Variants in ABCC11 observed in about 807,000 individuals in gnomAD.
The protein encoded by ABCC11 is ATP binding cassette subfamily C member 11.
A neutral mutation model predicts 149.3 loss-of-function variants in ABCC11; 135 were observed. The ratio of observed to expected loss-of-function variants is 0.90; its 90% CI spans 0.79 to 1.04. The LOEUF (loss-of-function observed/expected upper bound fraction) is 1.04, where lower values mean the gene tolerates loss of function less well. Ranked by LOEUF, ABCC11 falls within the 50% of genes least tolerant of loss-of-function variation. The pLI, the probability that ABCC11 is intolerant of heterozygous loss-of-function variation, is 0.00. For missense variants in ABCC11, 1,680 were observed against 1,722.1 expected, an observed-to-expected ratio of 0.98 and a Z score of 0.43; for synonymous variants, 665 against 671.4, an observed-to-expected ratio of 0.99 and a Z score of 0.15.
In ABCC11 at chr16:48,215,350, G is replaced by A. The variant is rs752331571; in HGVS notation, c.952-6C>T. 5.6e-6 allele frequency: 9 copies of A among 1,612,284 alleles called. No individual in the cohort carries two copies. The Admixed American group carries it at 1.3e-4, about 24-fold the overall frequency. On this transcript the variant is annotated splice_polypyrimidine_tract_variant and splice_region_variant and intron_variant, in intron 7 of 29. Transcript: ENST00000356608. ...GCCATTCTTGTCATGAATACCTGGAGTCAGGATACAGCAAGTTTGGAGTTG... is the reference window on the plus strand; with the variant it reads ...GCCATTCTTGTCATGAATACCTGGAATCAGGATACAGCAAGTTTGGAGTTG...
chr16:48,231,705 GA>G (rs1282392264), intron 2 of ABCC11, 117 bp downstream of exon 2: 11 of 1,256,052 alleles, frequency 8.8e-6, no homozygotes, highest in African/African-American at 6.2e-5. Flanking sequence ...AAAGAGAAAA[GA>G]AAAAAAATTC....
At chr16:48,196,399 T>A (rs1967419172) in intron 17 of ABCC11, 78 bp from the exon 18 acceptor site, 1 of 1,392,444 alleles carries the variant, frequency 7.2e-7, no homozygotes, top group Non-Finnish European at 1.0e-6. Context: ...CTGGCTTCGA[T>A]CCTGTGCCAG....
chr16:48,180,196 C>T (rs1567484557), intron 23 of ABCC11, among the ~76,000 whole-genome samples: 1 of 152,214 alleles, frequency 6.6e-6, no homozygotes, highest in Non-Finnish European at 1.5e-5. Flanking sequence ...CTCATGATGC[C>T]ATTCTGGCCG....
Position 48,208,446 on chromosome 16 carries a change from C to G in ABCC11, c.1659G>C (p.Leu553=), listed in dbSNP as rs1396002884. ...TTACCTCCTCCAGGATGGCTGACAA[C>G]AGGCTGCTCTTACCACTCCCCGTGT... The part of the protein sequence containing the change: ...CGNTGSGKSS[L]LSAILEEMHL... The change falls in exon 12 of 30, where the codon CTG becomes CTC. Residue 553 remains leucine, a synonymous_variant. Coordinates refer to ENST00000356608, the MANE Select transcript of ABCC11 (RefSeq NM_001370497.1). The G allele has an allele frequency of 6.2e-7, 1 of 1,614,082 alleles. No individual in the cohort carries two copies. Among genetic ancestry groups the G allele is most frequent in the Admixed American group, 1.7e-5 (1 of 60,008 alleles).
chr16:48,214,842 A>G lies in ABCC11; in HGVS notation c.1248+39T>C, dbSNP rs371447194. On this transcript the variant is annotated intron_variant, in intron 9 of 29. Coordinates refer to ENST00000356608, the MANE Select transcript of ABCC11 (RefSeq NM_001370497.1). ...AAAAGGACACGTGAGAAAATTCCCA[A>G]TCATGATGGGGAGAAAACAAAGCCC... 8 of 1,611,268 alleles carry G rather than the reference A, an allele frequency of 5.0e-6. No homozygotes were observed. The African/African-American group carries it at 6.7e-5, about 13-fold the overall frequency.
rs781226331 is a variant in ABCC11 at position 48,184,482 on chromosome 16, G to A, written c.3216C>T (p.Thr1072=). Residue 1072 remains threonine (T), a synonymous_variant, in exon 23 of 30, where the codon ACC becomes ACT. Coordinates refer to ENST00000356608, the MANE Select transcript of ABCC11 (RefSeq NM_001370497.1). The stretch of plus-strand genomic sequence containing the variant: ...CAGCCATGACTTTAAAGGAGTAGGG[G>A]GTGGAGGAAATGCCAAAAGCCACGA... The part of the protein sequence containing the change: ...ALFVAFGISS[T]PYSFKVMAVN... The A allele has an allele frequency of 1.2e-6, 2 of 1,614,182 alleles. No homozygotes were observed. The highest frequency in any genetic ancestry group is 1.7e-6 in the Non-Finnish European group (2 of 1,180,024).
At chr16:48,207,283 A>G (rs1968528538) in intron 12 of ABCC11, among the ~76,000 whole-genome samples, 1 of 152,182 alleles carries the variant, frequency 6.6e-6, no homozygotes, top group South Asian at 2.1e-4. Context: ...AAAAATGCAT[A>G]GCAGGCGTCA....
At chr16:48,245,335 C>G (rs1188554694) in intron 1 of ABCC11, among the ~76,000 whole-genome samples, 4 of 152,158 alleles carry the variant, frequency 2.6e-5, no homozygotes, top group Non-Finnish European at 5.9e-5. Flanking sequence ...GTACCCTCGC[C>G]CTATTGGTGT....
chr16:48,229,098 TG>T (rs1970266455), intron 3 of ABCC11, among the ~76,000 whole-genome samples: 2 of 152,188 alleles, frequency 1.3e-5, no homozygotes, highest in Non-Finnish European at 2.9e-5. Context: ...TCAACAAGGC[TG>T]GCCACATGCC....
chr16:48,197,801 A>G (rs1398235303), intron 17 of ABCC11, among the ~76,000 whole-genome samples, 170 bp downstream of exon 17: 2 of 152,022 alleles, frequency 1.3e-5, no homozygotes, highest in African/African-American at 2.4e-5. Context: ...CCATCAGTCT[A>G]CACCCCATGG....
chr16:48,219,197 T>C (rs1969561858), intron 6 of ABCC11, among the ~76,000 whole-genome samples: 1 of 141,928 alleles, frequency 7.0e-6, no homozygotes, highest in South Asian at 2.2e-4. Context: ...TGAGACTGGG[T>C]CTCACTATGT....
At chr16:48,200,987 C>CA (rs1173508885) in intron 14 of ABCC11, among the ~76,000 whole-genome samples, 2 of 151,890 alleles carry the variant, frequency 1.3e-5, no homozygotes, top group East Asian at 1.9e-4. Flanking sequence ...CACAGGTACC[C>CA]AAAAAACATG....
intron 15 of ABCC11, 90 bp from the exon 16 acceptor site, chr16:48,198,365 T>C (rs1967632996): frequency 2.2e-6 from 3 of 1,356,862 alleles, no homozygotes; most frequent in Admixed American, 2.0e-5. Flanking sequence ...ATTTAAACCA[T>C]GATAAAATAT....
intron 16 of ABCC11, 24 bp from the exon 17 acceptor site, chr16:48,198,091 A>G: frequency 6.2e-7 from 1 of 1,614,186 alleles, no homozygotes; most frequent in South Asian, 1.1e-5. Context: ...ACAGGCCCTG[A>G]GTACACGTGC....
In ABCC11 at chr16:48,192,704, C is replaced by T. The variant is rs765218887; in HGVS notation, c.2522G>A (p.Arg841Gln). The T allele has an allele frequency of 1.9e-6, 3 of 1,614,078 alleles. No homozygotes were observed. Among genetic ancestry groups the T allele is most frequent in the South Asian group, 2.2e-5 (2 of 91,084 alleles). The change falls in exon 20 of 30, where the codon CGA becomes CAA. Residue 841 changes from arginine (R) to glutamine (Q), a missense_variant. Arg to Gln is a conservative substitution (Grantham distance 43). Coordinates refer to ENST00000356608, the MANE Select transcript of ABCC11 (RefSeq NM_001370497.1). ...LEQGSGTNSS[R>Q]ESNGTMADLG... The stretch of plus-strand genomic sequence containing the variant: ...GTCTGCCATGGTTCCATTGCTCTCT[C>T]GGCTGCTATTGGTCTTCAAGAAAGA...
At chr16:48,243,330 A>G (rs1365436874) in intron 1 of ABCC11, among the ~76,000 whole-genome samples, 1 of 143,358 alleles carries the variant, frequency 7.0e-6, no homozygotes, top group Non-Finnish European at 1.5e-5. Context: ...TGAACCCGGG[A>G]GGCGGAGCTT....
chr16:48,234,143 C>T (rs528129903), intron 1 of ABCC11, among the ~76,000 whole-genome samples: 1 of 152,192 alleles, frequency 6.6e-6, no homozygotes, highest in South Asian at 2.1e-4. Flanking sequence ...ACACACCCAT[C>T]ATGGCCGATT....
chr16:48,196,814 CT>C (rs1967461641), intron 17 of ABCC11, among the ~76,000 whole-genome samples: 1 of 152,212 alleles, frequency 6.6e-6, no homozygotes, highest in African/African-American at 2.4e-5. Flanking sequence ...TGAGCTTGGC[CT>C]GAAGACCGGT....
chr16:48,205,530 A>G lies in ABCC11; in HGVS notation c.1688T>C (p.Leu563Ser). Residue 563 changes from leucine to serine, a missense_variant, in exon 13 of 30, where the codon TTG becomes TCG. Physicochemically the swap from Leu to Ser is moderately radical, Grantham distance 145. Transcript: ENST00000356608. ...CTGCACCCCCACCGAGCCCTCGAGC[A>G]AGTGCATCTGCGGCAGAATGAGTCC... ...LLSAILEEMH[L>S]LEGSVGVQGS... 1 of 1,610,898 alleles carries G rather than the reference A, an allele frequency of 6.2e-7. No homozygotes were observed. Among genetic ancestry groups the G allele is most frequent in the African/African-American group, 1.3e-5 (1 of 75,012 alleles).
Sources: gnomAD v4.1 joint callset for allele counts (sites outside exome capture counted in the v4.1 genomes callset) on GRCh38, gnomAD v4.1.1 for gene constraint, MANE v1.5 for transcripts, NCBI Gene and HGNC (gene_info 2026-07-23, HGNC 2026-07-21) for gene names.